Variants in MAGI2 observed in about 807,000 individuals in gnomAD.
The protein encoded by MAGI2 is membrane associated guanylate kinase, WW and PDZ domain containing 2.
MAGI2 carries 35 observed loss-of-function variants against 133.3 expected under a neutral mutation model. The observed-to-expected ratio is 0.26, with a 90% CI of 0.20 to 0.35. The LOEUF is 0.35. Ranked by LOEUF, MAGI2 falls within the 10% of genes least tolerant of loss-of-function variation. The pLI, the probability that MAGI2 is intolerant of heterozygous loss-of-function variation, is 1.00. For synonymous variants in MAGI2, 729 were observed against 710.6 expected (o/e 1.03, Z -0.41); for missense variants, 1,636 against 1,863.4 (o/e 0.88, Z 2.25).
intron 16 of MAGI2, among the ~76,000 whole-genome samples, chr7:78,143,705 C>A (rs759944042): frequency 6.6e-6 from 1 of 152,058 alleles, no homozygotes; most frequent in East Asian, 1.9e-4. Flanking sequence ...TTTAAAAAAT[C>A]GTATGTCATT....
chr7:78,842,525 C>A (rs1384960853), intron 2 of MAGI2, among the ~76,000 whole-genome samples: 1 of 151,672 alleles, frequency 6.6e-6, no homozygotes, highest in Admixed American at 6.6e-5. Context: ...TAATATTTTG[C>A]TAGTAATCCG....
At chr7:78,957,494 G>A (rs894925060) in intron 2 of MAGI2, among the ~76,000 whole-genome samples, 20 of 151,594 alleles carry the variant, frequency 1.3e-4, no homozygotes, top group Non-Finnish European at 2.8e-4. Context: ...ATATGTAATC[G>A]TAAGTACATA....
At chr7:78,457,320 A>ATT (rs1789425016) in intron 6 of MAGI2, among the ~76,000 whole-genome samples, 1 of 152,200 alleles carries the variant, frequency 6.6e-6, no homozygotes, top group African/African-American at 2.4e-5. Flanking sequence ...AGAGTCAAGA[A>ATT]GGATGCTTTG....
intron 2 of MAGI2, among the ~76,000 whole-genome samples, chr7:78,813,838 T>C (rs1583996506): frequency 6.7e-6 from 1 of 148,690 alleles, no homozygotes; most frequent in East Asian, 2.0e-4. Context: ...CAGCAGGAAC[T>C]GAAGGAATAG....
chr7:78,198,759 A>G (rs1828973735), intron 11 of MAGI2, among the ~76,000 whole-genome samples: 1 of 152,174 alleles, frequency 6.6e-6, no homozygotes, highest in African/African-American at 2.4e-5. Flanking sequence ...CTGTCCAGAA[A>G]CTGTTTTCTT....
chr7:78,980,426 G>A (rs756688266), intron 2 of MAGI2, among the ~76,000 whole-genome samples: 4 of 151,836 alleles, frequency 2.6e-5, no homozygotes, highest in Admixed American at 6.6e-5. Context: ...TACAGAGCAC[G>A]TACTTGGCCA....
intron 2 of MAGI2, among the ~76,000 whole-genome samples, chr7:78,667,062 A>G (rs1813678461): frequency 6.6e-6 from 1 of 152,164 alleles, no homozygotes. Flanking sequence ...ATAATTGTAG[A>G]TTTACAAGAA....
intron 7 of MAGI2, among the ~76,000 whole-genome samples, chr7:78,360,238 T>C (rs1006540340): frequency 6.6e-6 from 1 of 152,218 alleles, no homozygotes. Flanking sequence ...CACAGTTATG[T>C]ATCTATTAAA....
At chr7:79,306,707 T>C (rs1014707823) in intron 1 of MAGI2, among the ~76,000 whole-genome samples, 18 of 152,310 alleles carry the variant, frequency 1.2e-4, no homozygotes, top group African/African-American at 3.8e-4. Context: ...TTCAGTGGCA[T>C]TGTAAGCATT....
chr7:78,612,701 G>T (rs922066081), intron 3 of MAGI2, among the ~76,000 whole-genome samples: 1 of 151,524 alleles, frequency 6.6e-6, no homozygotes. Flanking sequence ...GCGGGGTCTC[G>T]CTCTGTCGCC....
chr7:78,911,234 T>C (rs911401598), intron 2 of MAGI2, among the ~76,000 whole-genome samples: 2 of 151,994 alleles, frequency 1.3e-5, no homozygotes, highest in African/African-American at 2.4e-5. Flanking sequence ...GAGGGTGACT[T>C]TTTTTTTCAC....
intron 1 of MAGI2, among the ~76,000 whole-genome samples, chr7:79,164,224 T>G (rs754498897): frequency 1.2e-4 from 19 of 152,170 alleles, no homozygotes; most frequent in Non-Finnish European, 2.4e-4. Context: ...TGGGGAGTCA[T>G]GCCTTACAAA....
chr7:78,225,344 T>A (rs145272877), intron 10 of MAGI2, among the ~76,000 whole-genome samples: 1 of 149,942 alleles, frequency 6.7e-6, no homozygotes, highest in African/African-American at 2.5e-5. Context: ...TTAATTTTTT[T>A]ATTTATAGAT....
chr7:78,097,374 C>T (rs951134316), intron 20 of MAGI2, among the ~76,000 whole-genome samples: 5 of 152,036 alleles, frequency 3.3e-5, no homozygotes, highest in African/African-American at 7.2e-5. Flanking sequence ...GAATGGACAT[C>T]GTAGCACTAT....
At chr7:79,023,930 A>C (rs2116721169) in intron 1 of MAGI2, among the ~76,000 whole-genome samples, 1 of 152,320 alleles carries the variant, frequency 6.6e-6, no homozygotes, top group Non-Finnish European at 1.5e-5. Flanking sequence ...TTACAGATTT[A>C]ATACTATTGC....
chr7:78,258,194 G>A (rs932546944), intron 9 of MAGI2, among the ~76,000 whole-genome samples: 22 of 152,094 alleles, frequency 1.4e-4, no homozygotes, highest in African/African-American at 4.3e-4. Flanking sequence ...TGGCTGGAAC[G>A]TGGGTCCACG....
At chr7:78,819,378 C>T (rs761822877) in intron 2 of MAGI2, among the ~76,000 whole-genome samples, 1 of 152,032 alleles carries the variant, frequency 6.6e-6, no homozygotes, top group Non-Finnish European at 1.5e-5. Flanking sequence ...AAATTTACAA[C>T]CTATCCCCAG....
At chr7:78,567,420 A>AC (rs1801058991) in intron 3 of MAGI2, among the ~76,000 whole-genome samples, 1 of 149,084 alleles carries the variant, frequency 6.7e-6, no homozygotes, top group Non-Finnish European at 1.5e-5. Flanking sequence ...ACACACACAC[A>AC]ACCGCAATGC....
intron 2 of MAGI2, among the ~76,000 whole-genome samples, chr7:78,736,635 C>T (rs1400169477): frequency 6.6e-6 from 1 of 152,036 alleles, no homozygotes; most frequent in African/African-American, 2.4e-5. Context: ...AATACTAATA[C>T]TTTATTGTCC....
Sources: allele counts gnomAD v4.1 joint callset (sites outside exome capture counted in the v4.1 genomes callset), GRCh38; gene constraint gnomAD v4.1.1; transcripts MANE v1.5; gene names NCBI Gene and HGNC (gene_info 2026-07-23, HGNC 2026-07-21).